Variants in DPP10 observed in about 807,000 individuals in gnomAD.
The protein encoded by DPP10 is dipeptidyl peptidase like 10.
In DPP10, 33 loss-of-function variants were observed where a neutral mutation model predicts 120.9. The ratio of observed to expected loss-of-function variants is 0.27; its 90% CI spans 0.21 to 0.37. The LOEUF (loss-of-function observed/expected upper bound fraction) is 0.37, where lower values mean the gene tolerates loss of function less well. DPP10 is among the 10% of genes least tolerant of loss of function. DPP10 has a pLI of 1.00. For synonymous variants in DPP10, 337 were observed against 326.1 expected, an observed-to-expected ratio of 1.03 and a Z score of -0.36; for missense variants, 816 against 942.8, an observed-to-expected ratio of 0.87 and a Z score of 1.76.
intron 1 of DPP10, among the ~76,000 whole-genome samples, chr2:115,091,605 T>A (rs181116810): frequency 1.4e-4 from 21 of 152,266 alleles, no homozygotes; most frequent in African/African-American, 4.6e-4. Flanking sequence ...AATGGCCTAG[T>A]GCTGCTATTT....
intron 1 of DPP10, among the ~76,000 whole-genome samples, chr2:114,834,888 G>A (rs1558791793): frequency 6.9e-6 from 1 of 145,564 alleles, no homozygotes; most frequent in Non-Finnish European, 1.5e-5. Context: ...ACACAACTAT[G>A]TATATATAAG....
chr2:115,835,233 A>G (rs888006649), intron 21 of DPP10, among the ~76,000 whole-genome samples: 10 of 150,576 alleles, frequency 6.6e-5, no homozygotes, highest in African/African-American at 2.4e-4. Flanking sequence ...AGATCTCTAG[A>G]GTAGATCTCA....
chr2:114,886,052 C>T (rs747892677), intron 1 of DPP10, among the ~76,000 whole-genome samples: 7 of 152,128 alleles, frequency 4.6e-5, no homozygotes, highest in Admixed American at 1.3e-4. Flanking sequence ...CCATTATAAA[C>T]TTATAGGTCT....
intron 1 of DPP10, among the ~76,000 whole-genome samples, chr2:114,502,045 C>T (rs1558819643): frequency 6.6e-6 from 1 of 150,468 alleles, no homozygotes; most frequent in Non-Finnish European, 1.5e-5. Flanking sequence ...AAGTGGTTCT[C>T]CTGCTTTAGC....
chr2:114,517,620 A>G (rs1684706799), intron 1 of DPP10, among the ~76,000 whole-genome samples: 1 of 152,202 alleles, frequency 6.6e-6, no homozygotes, highest in Non-Finnish European at 1.5e-5. Flanking sequence ...ACCAGTTTAC[A>G]TTATGGTTTC....
At chr2:115,511,731 C>T (rs12995833) in intron 4 of DPP10, among the ~76,000 whole-genome samples, 18,217 of 82,098 alleles carry the variant, frequency 0.22, 2,135 homozygotes, top group East Asian at 0.44. Context: ...TCTTCTTCTT[C>T]TTTTTTTTTT....
intron 3 of DPP10, among the ~76,000 whole-genome samples, chr2:115,423,131 A>T (rs1240560524): frequency 6.6e-6 from 1 of 152,044 alleles, no homozygotes; most frequent in Non-Finnish European, 1.5e-5. Context: ...AATGTAAAAG[A>T]AGTATACTTA....
intron 5 of DPP10, among the ~76,000 whole-genome samples, chr2:115,689,017 T>TG (rs1451624133): frequency 6.6e-6 from 1 of 152,058 alleles, no homozygotes; most frequent in African/African-American, 2.4e-5. Context: ...TGCTAGGTAA[T>TG]GTGGAGGATG....
At chr2:114,761,593 C>G (rs554942033) in intron 1 of DPP10, among the ~76,000 whole-genome samples, 1 of 152,180 alleles carries the variant, frequency 6.6e-6, no homozygotes, top group Non-Finnish European at 1.5e-5. Context: ...TGCACAGCAT[C>G]CTTTGGGTCC....
intron 3 of DPP10, among the ~76,000 whole-genome samples, chr2:115,491,990 A>C (rs749212606): frequency 1.6e-4 from 24 of 152,170 alleles, no homozygotes; most frequent in Non-Finnish European, 3.2e-4. Flanking sequence ...AAGTAGATGG[A>C]GGAGCCTGAA....
intron 1 of DPP10, among the ~76,000 whole-genome samples, chr2:114,813,679 A>G (rs1685372140): frequency 6.6e-6 from 1 of 151,316 alleles, no homozygotes; most frequent in Admixed American, 6.6e-5. Context: ...GCTTGTCACC[A>G]TTGTCTTTGG....
intron 1 of DPP10, among the ~76,000 whole-genome samples, chr2:114,733,007 G>A (rs1416117740): frequency 5.9e-5 from 9 of 152,178 alleles, no homozygotes; most frequent in Non-Finnish European, 4.4e-5. Flanking sequence ...TCAAGCTAGA[G>A]AGAAGATAAG....
chr2:114,773,808 G>A (rs989030813), intron 1 of DPP10, among the ~76,000 whole-genome samples: 1 of 152,122 alleles, frequency 6.6e-6, no homozygotes, highest in South Asian at 2.1e-4. Context: ...ACAATTAATT[G>A]TAGAGTGATT....
chr2:114,671,192 G>A (rs768710721), intron 1 of DPP10, among the ~76,000 whole-genome samples: 19 of 152,146 alleles, frequency 1.2e-4, no homozygotes, highest in Non-Finnish European at 2.2e-4. Context: ...TCTAAAAGAT[G>A]AGAAAGTTGA....
At chr2:114,850,858 C>T (rs1372161323) in intron 1 of DPP10, among the ~76,000 whole-genome samples, 2 of 150,892 alleles carry the variant, frequency 1.3e-5, no homozygotes, top group Non-Finnish European at 1.5e-5. Flanking sequence ...TTTTTTTTTT[C>T]CTGCATGGTA....
At chr2:114,604,924 A>G (rs1692666327) in intron 1 of DPP10, among the ~76,000 whole-genome samples, 1 of 152,136 alleles carries the variant, frequency 6.6e-6, no homozygotes, top group Admixed American at 6.6e-5. Flanking sequence ...TTAAGTAATC[A>G]TATCAGAAGA....
At position 115,836,668 on chromosome 2, in the gene DPP10, T is replaced by G; in HGVS notation, c.2110-6T>G. 1.9e-6 allele frequency: 3 copies of G among 1,612,144 alleles called. No homozygotes were observed. The highest frequency in any genetic ancestry group is 2.5e-6 in the Non-Finnish European group (3 of 1,179,310). The stretch of plus-strand genomic sequence containing the variant: ...TAGATACAGATATTTGTATTTTCCT[T>G]TATAGGCAGCCAGTGTGCTACATAA... On this transcript the variant is annotated splice_region_variant and splice_polypyrimidine_tract_variant and intron_variant, in intron 23 of 25. Transcript: ENST00000410059.
At chr2:114,895,768 A>G (rs1692911512) in intron 1 of DPP10, among the ~76,000 whole-genome samples, 1 of 152,234 alleles carries the variant, frequency 6.6e-6, no homozygotes, top group Non-Finnish European at 1.5e-5. Context: ...GAATTGGGAC[A>G]CTTGTGTCCA....
At chr2:115,040,759 C>G (rs1046352086) in intron 1 of DPP10, among the ~76,000 whole-genome samples, 3 of 152,068 alleles carry the variant, frequency 2.0e-5, no homozygotes, top group Non-Finnish European at 2.9e-5. Flanking sequence ...TCCCCTCACT[C>G]TCTTCCTCCT....
Sources: gnomAD v4.1 joint callset for allele counts (sites outside exome capture counted in the v4.1 genomes callset) on GRCh38, gnomAD v4.1.1 for gene constraint, MANE v1.5 for transcripts, NCBI Gene and HGNC (gene_info 2026-07-23, HGNC 2026-07-21) for gene names.